SLC25A24: variants seen among roughly 807,000 people sequenced by gnomAD.
SLC25A24 encodes the protein solute carrier family 25 member 24, also known as mitochondrial adenyl nucleotide antiporter SLC25A24.
A neutral mutation model predicts 60.7 loss-of-function variants in SLC25A24; 49 were observed. The observed-to-expected ratio is 0.81, with a 90% CI of 0.64 to 1.02. The LOEUF is 1.02. Among genes scored for constraint, SLC25A24 ranks in the 50% least tolerant of loss-of-function variants. SLC25A24 has a pLI of 0.00. For synonymous variants in SLC25A24, 202 were observed against 200.6 expected, an observed-to-expected ratio of 1.01 and a Z score of -0.06; for missense variants, 564 against 586.3, an observed-to-expected ratio of 0.96 and a Z score of 0.39.
chr1:108,138,881 GA>G (rs1679364340), intron 9 of SLC25A24, among the ~76,000 whole-genome samples, 176 bp downstream of exon 9: 1 of 152,146 alleles, frequency 6.6e-6, no homozygotes, highest in South Asian at 2.1e-4. Flanking sequence ...ATTTCATGAC[GA>G]GGGAGCATTT....
At chr1:108,187,927 GAT>G (rs57513025) in intron 1 of SLC25A24, among the ~76,000 whole-genome samples, 27 of 95,686 alleles carry the variant, frequency 2.8e-4, no homozygotes, top group East Asian at 3.7e-4. Context: ...AGACATTATA[GAT>G]ATATATATAT....
rs191540736 is a variant in SLC25A24 at position 108,147,765 on chromosome 1, C to T, written c.930+514G>A. ...AAGTGGCAGCCAGCCTCTAAAGTGACCCCCAGTGATATTTGTCTCCGGTTA... is the reference window on the plus strand; with the variant it reads ...AAGTGGCAGCCAGCCTCTAAAGTGATCCCCAGTGATATTTGTCTCCGGTTA... On this transcript the variant is annotated intron_variant, in intron 7 of 9. Coordinates refer to ENST00000565488, the MANE Select transcript of SLC25A24 (RefSeq NM_013386.5). Among the ~76,000 whole-genome samples, 547 of 152,214 alleles carry T rather than the reference C, an allele frequency of 3.6e-3. 2 individuals are homozygous for T. The highest frequency in any genetic ancestry group is 5.6e-3 in the Non-Finnish European group (380 of 68,022).
intron 1 of SLC25A24, among the ~76,000 whole-genome samples, chr1:108,190,461 C>G (rs1426926048): frequency 2.6e-5 from 4 of 152,118 alleles, no homozygotes; most frequent in Non-Finnish European, 4.4e-5. Context: ...ACATAACAGG[C>G]TGGTTTCCTG....
intron 1 of SLC25A24, chr1:108,198,818 C>A (rs926221242): frequency 1.3e-5 from 2 of 152,228 alleles, no homozygotes; most frequent in Non-Finnish European, 2.9e-5. Context: ...TGATGCACTG[C>A]AGCAAGGTCG....
intron 1 of SLC25A24, among the ~76,000 whole-genome samples, chr1:108,193,768 C>A (rs1361822604): frequency 1.4e-5 from 2 of 140,064 alleles, no homozygotes; most frequent in African/African-American, 5.0e-5. Context: ...CCAGGGCAAG[C>A]CTATCCTTCA....
chr1:108,186,038 C>G (rs1648115459), intron 1 of SLC25A24, 84 bp from the exon 2 acceptor site: 1 of 1,111,726 alleles, frequency 9.0e-7, no homozygotes, highest in Admixed American at 2.9e-5. Flanking sequence ...AGCAGATTAG[C>G]TGTTTTCCTA....
At chr1:108,156,118 T>C (rs1679891953) in intron 5 of SLC25A24, among the ~76,000 whole-genome samples, 1 of 152,126 alleles carries the variant, frequency 6.6e-6, no homozygotes, top group South Asian at 2.1e-4. Context: ...TAGTGCCACA[T>C]AACAGTGCCA....
intron 3 of SLC25A24, among the ~76,000 whole-genome samples, chr1:108,174,452 T>C (rs959882059): frequency 1.3e-5 from 2 of 152,224 alleles, no homozygotes; most frequent in East Asian, 3.9e-4. Context: ...AATGCCTGGA[T>C]GTCCAGACAG....
chr1:108,199,845 C>T lies in SLC25A24; in HGVS notation c.183+111G>A. 3 of 831,830 alleles carry T rather than the reference C, an allele frequency of 3.6e-6. No homozygotes were observed. The South Asian group carries it at 5.3e-5, about 15-fold the overall frequency. 51.5% of individuals were successfully genotyped at this position (831,830 alleles called of 1,614,324 possible). A position where few individuals can be genotyped will look rare whatever the true frequency, so the allele number is the denominator to read the frequency against. On this transcript the variant is annotated intron_variant, in intron 1 of 9. Coordinates refer to ENST00000565488, the MANE Select transcript of SLC25A24 (RefSeq NM_013386.5). ...CACCGGAGCGCTGGGCGCCACAGTT[C>T]CTCCTTCCTCTCCTGGCAACGCCTC...
chr1:108,154,883 G>A, intron 6 of SLC25A24, 100 bp downstream of exon 6: 1 of 834,162 alleles, frequency 1.2e-6, no homozygotes, highest in East Asian at 2.6e-5. Context: ...AGATTATCAT[G>A]TATTAAAACA....
chr1:108,157,502 G>T lies in SLC25A24; in HGVS notation c.629C>A (p.Thr210Lys), dbSNP rs774144115. The change falls in exon 5 of 10, where the codon ACA (threonine) becomes AAA (lysine). Residue 210 changes from threonine to lysine, a missense_variant. Coordinates refer to ENST00000565488, the MANE Select transcript of SLC25A24 (RefSeq NM_013386.5). ...CAGACGGTCCAAAGGGGCAGTGCTT[G>T]TTCGAGAGACAGCACCAGCAATGCC... ...AGGIAGAVSR[T>K]STAPLDRLKI... is the part of the protein sequence containing the mutation. 3 of 1,614,142 alleles carry T rather than the reference G, an allele frequency of 1.9e-6. No individual in the cohort carries two copies. Among genetic ancestry groups the T allele is most frequent in the Non-Finnish European group, 1.7e-6 (2 of 1,180,024 alleles).
intron 1 of SLC25A24, among the ~76,000 whole-genome samples, chr1:108,197,469 T>C (rs560692177): frequency 1.3e-5 from 2 of 152,322 alleles, no homozygotes; most frequent in African/African-American, 4.8e-5. Flanking sequence ...AGTTCTCATT[T>C]CTATGCTCAA....
rs12065664 is a variant in SLC25A24 at position 108,135,351 on chromosome 1, A to C, written c.*1302T>G. The C allele has an allele frequency of 0.29, 44,533 of 152,468 alleles. 6,708 individuals carry two copies. The highest frequency in any genetic ancestry group is 0.34 in the African/African-American group (14,232 of 41,490). The allele number at this position is 152,468 out of a possible 1,614,324, so 9.4% of individuals were successfully genotyped here. On this transcript the variant is annotated 3_prime_UTR_variant, in exon 10 of 10. Coordinates refer to ENST00000565488, the MANE Select transcript of SLC25A24 (RefSeq NM_013386.5). The stretch of plus-strand genomic sequence containing the variant: ...CATTAGATTTTCATTAAAATGCTGG[A>C]AATTTATAACAGAAATTATTAGAAG...
At position 108,141,037 on chromosome 1, in the gene SLC25A24, T is replaced by C. The variant is rs144791088; in HGVS notation, c.1099-1829A>G. 2.6e-3 allele frequency among the ~76,000 whole-genome samples: 396 copies of C among 152,270 alleles called. 5 individuals are homozygous for C. The highest frequency in any genetic ancestry group is 8.7e-3 in the African/African-American group (362 of 41,556). ...CACATACAGAATCAACTATACCTTA[T>C]CTATGAGACTCACTTTAGATCTAAG... On this transcript the variant is annotated intron_variant, in intron 8 of 9. Coordinates refer to ENST00000565488, the MANE Select transcript of SLC25A24 (RefSeq NM_013386.5).
At chr1:108,141,997 C>T (rs1248848734) in intron 8 of SLC25A24, among the ~76,000 whole-genome samples, 1 of 152,148 alleles carries the variant, frequency 6.6e-6, no homozygotes, top group Non-Finnish European at 1.5e-5. Flanking sequence ...AAATCATAAA[C>T]TTTATGTTAT....
At chr1:108,195,460 A>T (rs1330182296) in intron 1 of SLC25A24, among the ~76,000 whole-genome samples, 1 of 152,202 alleles carries the variant, frequency 6.6e-6, no homozygotes, top group Non-Finnish European at 1.5e-5. Context: ...CATTTTTTTC[A>T]TTCTTTCAGA....
intron 3 of SLC25A24, among the ~76,000 whole-genome samples, chr1:108,175,621 T>C (rs1274720484): frequency 6.6e-6 from 1 of 152,152 alleles, no homozygotes; most frequent in East Asian, 1.9e-4. Flanking sequence ...GCCAGGGAAG[T>C]TGAGGCTGCA....
Position 108,198,031 on chromosome 1 carries a change from G to A in SLC25A24, c.183+1925C>T, listed in dbSNP as rs150983106. Among the ~76,000 whole-genome samples the A allele has an allele frequency of 5.3e-5, 8 of 152,218 alleles. 1 individual carries two copies. The South Asian group carries it at 1.2e-3, about 24-fold the overall frequency. Reference sequence around the variant, plus strand: ...TTGCTATAAAGCCAGGACACCCCTCGGATTTTGCTTCTTCACACATGTCCA... The same window carrying A: ...TTGCTATAAAGCCAGGACACCCCTCAGATTTTGCTTCTTCACACATGTCCA... On this transcript the variant is annotated intron_variant, in intron 1 of 9. Coordinates refer to ENST00000565488, the MANE Select transcript of SLC25A24 (RefSeq NM_013386.5).
At chr1:108,145,657 C>T (rs780060095) in intron 7 of SLC25A24, among the ~76,000 whole-genome samples, 5 of 152,004 alleles carry the variant, frequency 3.3e-5, no homozygotes, top group Non-Finnish European at 5.9e-5. Context: ...CAACACCATA[C>T]ATTAAATAAG....
Sources: allele counts gnomAD v4.1 joint callset (sites outside exome capture counted in the v4.1 genomes callset), GRCh38; gene constraint gnomAD v4.1.1; transcripts MANE v1.5; gene names NCBI Gene and HGNC (gene_info 2026-07-23, HGNC 2026-07-21).